The following STRIP1 variants were observed in gnomAD, a reference collection of about 807,000 sequenced individuals.
STRIP1 encodes the protein striatin interacting protein 1.
In STRIP1, 63 loss-of-function variants were observed where a neutral mutation model predicts 106.2. The ratio of observed to expected loss-of-function variants is 0.59; its 90% CI spans 0.48 to 0.73. The LOEUF is 0.73. Ranked by LOEUF, STRIP1 falls within the 30% of genes least tolerant of loss-of-function variation. The pLI is 0.00. For missense variants in STRIP1, 857 were observed against 1,074.8 expected (o/e 0.80, Z 2.83); for synonymous variants, 390 against 413.0 (o/e 0.94, Z 0.67).
intron 1 of STRIP1, among the ~76,000 whole-genome samples, chr1:110,036,532 C>T (rs755478148): frequency 6.6e-6 from 1 of 152,194 alleles, no homozygotes; most frequent in Non-Finnish European, 1.5e-5. Context: ...AGAGACCTGT[C>T]TAAATCCATT....
chr1:110,049,759 C>CG, intron 17 of STRIP1, 199 bp downstream of exon 17: 1 of 553,188 alleles, frequency 1.8e-6, no homozygotes, highest in Admixed American at 3.4e-5. Context: ...AGTCCTGCCC[C>CG]AGGTGACTTG....
chr1:110,050,318 C>A (rs774773369), intron 17 of STRIP1, 25 bp from the exon 18 acceptor site: 64 of 1,612,972 alleles, frequency 4.0e-5, no homozygotes, highest in Non-Finnish European at 5.3e-5. Flanking sequence ...TCATGGTGGG[C>A]ATCTGGTTCC....
intron 12 of STRIP1, among the ~76,000 whole-genome samples, chr1:110,046,352 T>C (rs1445964469): frequency 6.6e-6 from 1 of 151,986 alleles, no homozygotes; most frequent in Non-Finnish European, 1.5e-5. Flanking sequence ...ATACAAAAAT[T>C]AGCCAGGTGT....
chr1:110,042,742 A>G (rs894882771), intron 8 of STRIP1: 1 of 208,986 alleles, frequency 4.8e-6, no homozygotes, highest in Non-Finnish European at 9.4e-6. Flanking sequence ...ACTTGCATGT[A>G]CAACTTGTGA....
At position 110,034,712 on chromosome 1, in the gene STRIP1, G is replaced by A; in HGVS notation, c.75G>A (p.Pro25=). The A allele has an allele frequency of 1.3e-6, 2 of 1,508,538 alleles. No individual in the cohort carries two copies. Among genetic ancestry groups the A allele is most frequent in the Admixed American group, 2.2e-5 (1 of 44,670 alleles). 93.4% of individuals were successfully genotyped at this position (1,508,538 alleles called of 1,614,324 possible). ...NKQPQPPPPP[P]PAAAQPPPGA... The stretch of plus-strand genomic sequence containing the variant: ...AGCCCCAGCCCCCGCCACCTCCGCC[G>A]CCGGCAGCCGCACAGCCACCACCCG... The change falls in exon 1 of 21, where the codon CCG becomes CCA. Residue 25 remains proline (P), a synonymous_variant. Coordinates refer to ENST00000369795, the MANE Select transcript of STRIP1 (RefSeq NM_033088.4).
chr1:110,049,009 G>T (rs1193190983), intron 15 of STRIP1, 103 bp from the exon 16 acceptor site: 16 of 1,372,500 alleles, frequency 1.2e-5, no homozygotes, highest in Non-Finnish European at 1.6e-5. Flanking sequence ...TGGGGAGGTA[G>T]GAGTCTTTGC....
At chr1:110,041,040 C>G (rs1652734797) in intron 6 of STRIP1, 1 of 231,486 alleles carries the variant, frequency 4.3e-6, no homozygotes, top group African/African-American at 2.3e-5. Flanking sequence ...CTCCCACCTT[C>G]TTGTGTACAC....
chr1:110,032,563 A>C (rs1195176491), upstream of STRIP1, among the ~76,000 whole-genome samples: 1 of 152,196 alleles, frequency 6.6e-6, no homozygotes, highest in Non-Finnish European at 1.5e-5. Flanking sequence ...TGATGTGTCC[A>C]AAACTGAAGT....
At position 110,051,778 on chromosome 1, in the gene STRIP1, A is replaced by G. The variant is rs1415267612; in HGVS notation, c.2157A>G (p.Val719=). ...TCTATGTGCTGAAGCTGCTCAAGGT[A>G]CAGACCAAATACTTGGGGCGGCAGT... ...MQLYVLKLLK[V]QTKYLGRQWR... The change falls in exon 20 of 21, where the codon GTA becomes GTG. Residue 719 remains valine (V), a synonymous_variant. Coordinates refer to ENST00000369795, the MANE Select transcript of STRIP1 (RefSeq NM_033088.4). The G allele has an allele frequency of 1.9e-6, 3 of 1,613,886 alleles. No homozygotes were observed. The highest frequency in any genetic ancestry group is 2.2e-5 in the South Asian group (2 of 91,066).
chr1:110,049,463 G>GCC lies in STRIP1; in HGVS notation c.1792_1793insCC (p.Glu598AlafsTer16). On this transcript the variant is annotated frameshift_variant, in exon 17 of 21. Transcript: ENST00000369795. LOFTEE classifies it high-confidence loss of function. ...TTTTTTTTCCTGTTGGCTTCAGTTT[G>GCC]AATACATGGCCCAGCACCTGGTGTT... is the stretch of plus-strand genomic sequence containing the variant. The GCC allele has an allele frequency of 8.9e-7, 1 of 1,124,582 alleles. No homozygotes were observed. The highest frequency in any genetic ancestry group is 1.3e-6 in the Non-Finnish European group (1 of 763,610). 69.7% of individuals were successfully genotyped at this position (1,124,582 alleles called of 1,614,324 possible).
chr1:110,050,075 G>A, intron 17 of STRIP1: 1 of 478,796 alleles, frequency 2.1e-6, no homozygotes, highest in South Asian at 2.4e-5. Flanking sequence ...GCCCCACATT[G>A]ATTGCTGTGG....
At chr1:110,047,647 C>G (rs752456381) in intron 14 of STRIP1, 31 bp downstream of exon 14, 3 of 1,591,144 alleles carry the variant, frequency 1.9e-6, no homozygotes, top group Non-Finnish European at 2.6e-6. Context: ...GACACTCCCA[C>G]TACACTGGCC....
intron 1 of STRIP1, among the ~76,000 whole-genome samples, chr1:110,036,920 C>T (rs1428063647): frequency 3.3e-5 from 5 of 152,118 alleles, no homozygotes; most frequent in African/African-American, 1.2e-4. Context: ...ACTTCCGGGG[C>T]TCAAGCGATT....
rs1430179227 is a variant in STRIP1 at position 110,051,069 on chromosome 1, G to A, written c.2061+9G>A. 1.3e-6 allele frequency: 2 copies of A among 1,545,298 alleles called. No individual in the cohort carries two copies. Among genetic ancestry groups the A allele is most frequent in the Non-Finnish European group, 1.8e-6 (2 of 1,117,268 alleles). ...AGCATTCAAGGACAATGGTAAGTGAGTCAGTGTAGTCAGCAGGCTTGGAAC... is the reference window on the plus strand; with the variant it reads ...AGCATTCAAGGACAATGGTAAGTGAATCAGTGTAGTCAGCAGGCTTGGAAC... On this transcript the variant is annotated intron_variant, in intron 19 of 20. Transcript: ENST00000369795.
Position 110,043,405 on chromosome 1 carries a change from G to T in STRIP1, c.1068+135G>T, listed in dbSNP as rs1016356935. 2.1e-5 allele frequency: 21 copies of T among 1,023,476 alleles called. No individual in the cohort carries two copies. The Admixed American group carries it at 3.1e-4, about 15-fold the overall frequency. 63.4% of individuals were successfully genotyped at this position (1,023,476 alleles called of 1,614,324 possible). ...GTCAGAATCATGCCTCCACAGCGAG[G>T]ATACTTTGTCCCCAGCTCTGGTCCA... On this transcript the variant is annotated intron_variant, in intron 9 of 20. Coordinates refer to ENST00000369795, the MANE Select transcript of STRIP1 (RefSeq NM_033088.4).
chr1:110,035,699 A>ATGT (rs1553192948), intron 1 of STRIP1, among the ~76,000 whole-genome samples: 1 of 152,196 alleles, frequency 6.6e-6, no homozygotes, highest in Non-Finnish European at 1.5e-5. Flanking sequence ...CATCTCCTAG[A>ATGT]TTGATCAGCA....
chr1:110,050,887 A>G (rs1653267029), intron 18 of STRIP1, 69 bp from the exon 19 acceptor site: 2 of 897,272 alleles, frequency 2.2e-6, no homozygotes, highest in Middle Eastern at 2.1e-4. Context: ...ATCATGTGTG[A>G]GGGACTTTTG....
chr1:110,038,779 C>T lies in STRIP1; in HGVS notation c.325+22C>T, dbSNP rs918066611. 4 of 1,608,268 alleles carry T rather than the reference C, an allele frequency of 2.5e-6. No homozygotes were observed. The African/African-American group carries it at 5.3e-5, about 22-fold the overall frequency. ...CATGGTGAGATGATTTCCCACACTT[C>T]TTGCTTCCTTTGCCCTGCATAACGA... On this transcript the variant is annotated intron_variant, in intron 3 of 20. Transcript: ENST00000369795.
Position 110,041,493 on chromosome 1 carries a change from A to AC in STRIP1, c.651-36dup, listed in dbSNP as rs140461087. On this transcript the variant is annotated intron_variant, in intron 6 of 20. Transcript: ENST00000369795. ...TGTTAGACACTAGGGTGCTCCTTTG[A>AC]CCCCCCCATCCCACTCCATTGTGAG... is the stretch of plus-strand genomic sequence containing the variant. The AC allele has an allele frequency of 6.7e-3, 10,032 of 1,486,486 alleles. 506 individuals carry two copies. The African/African-American group carries it at 0.11, about 17-fold the overall frequency. 92.1% of individuals were successfully genotyped at this position (1,486,486 alleles called of 1,614,324 possible). A position where few individuals can be genotyped will look rare whatever the true frequency, so the allele number is the denominator to read the frequency against.
Sources: allele counts gnomAD v4.1 joint callset (sites outside exome capture counted in the v4.1 genomes callset), GRCh38; gene constraint gnomAD v4.1.1; transcripts MANE v1.5; gene names NCBI Gene and HGNC (gene_info 2026-07-23, HGNC 2026-07-21).